Variants in RIN3 observed in about 807,000 individuals in gnomAD.
RIN3 encodes the protein RAB5 interacting protein 3.
RIN3 carries 54 observed loss-of-function variants against 76.3 expected under a neutral mutation model. That is an observed-to-expected ratio of 0.71 (90% CI 0.57 to 0.89). RIN3 has a LOEUF of 0.89. RIN3 is among the 40% of genes least tolerant of loss of function. The probability of loss-of-function intolerance (pLI) is 0.00; values close to 1 mark genes in which losing one functional copy is unlikely to be tolerated. For missense variants in RIN3, 1,256 were observed against 1,322.1 expected, an observed-to-expected ratio of 0.95 and a Z score of 0.78; for synonymous variants, 576 against 564.0, an observed-to-expected ratio of 1.02 and a Z score of -0.30.
chr14:92,588,588 AC>A (rs1457152300), intron 3 of RIN3, among the ~76,000 whole-genome samples: 1 of 151,616 alleles, frequency 6.6e-6, no homozygotes, highest in East Asian at 1.9e-4. Context: ...TCATGATTCC[AC>A]CCTCATGACT....
intron 7 of RIN3, among the ~76,000 whole-genome samples, chr14:92,663,353 G>T (rs567159895): frequency 6.6e-6 from 1 of 152,216 alleles, no homozygotes; most frequent in Non-Finnish European, 1.5e-5. Flanking sequence ...AGCAAGAAAG[G>T]CAGCTGCTGG....
At chr14:92,676,300 T>C (rs2273923) in intron 7 of RIN3, among the ~76,000 whole-genome samples, 175 bp from the exon 8 acceptor site, 46,342 of 151,662 alleles carry the variant, frequency 0.31, 7,582 homozygotes, top group Non-Finnish European at 0.36. Context: ...TCGGGCCTCC[T>C]GAGGAGGCTG....
At chr14:92,616,374 T>C (rs574825416) in intron 4 of RIN3, among the ~76,000 whole-genome samples, 1 of 152,340 alleles carries the variant, frequency 6.6e-6, no homozygotes, top group South Asian at 2.1e-4. Flanking sequence ...CACTGGTTAC[T>C]TGGGGTACAC....
intron 3 of RIN3, among the ~76,000 whole-genome samples, chr14:92,578,552 C>T (rs1465306524): frequency 6.6e-6 from 1 of 152,324 alleles, no homozygotes; most frequent in Non-Finnish European, 1.5e-5. Context: ...GCCAACTAAA[C>T]AGGAGATGGA....
At chr14:92,672,482 T>G (rs1888316749) in intron 7 of RIN3, among the ~76,000 whole-genome samples, 1 of 152,196 alleles carries the variant, frequency 6.6e-6, no homozygotes, top group South Asian at 2.1e-4. Flanking sequence ...TCTCTGTTAC[T>G]CACACCAGGC....
chr14:92,655,191 T>C (rs76929104), intron 6 of RIN3, among the ~76,000 whole-genome samples: 7 of 133,078 alleles, frequency 5.3e-5, no homozygotes, highest in Non-Finnish European at 1.1e-4. Flanking sequence ...AAAAAAAAAA[T>C]AGAAAAATTA....
chr14:92,657,679 C>T (rs1009483781), intron 6 of RIN3, among the ~76,000 whole-genome samples: 1 of 152,194 alleles, frequency 6.6e-6, no homozygotes, highest in African/African-American at 2.4e-5. Flanking sequence ...CAGGTCAACC[C>T]CCATCTGCGC....
intron 1 of RIN3, among the ~76,000 whole-genome samples, chr14:92,552,011 G>T (rs1479853596): frequency 6.6e-6 from 1 of 152,238 alleles, no homozygotes; most frequent in East Asian, 1.9e-4. Flanking sequence ...AGAGCAGCAT[G>T]AGCGTGGGCT....
At chr14:92,596,172 T>G (rs1394417173) in intron 3 of RIN3, among the ~76,000 whole-genome samples, 1 of 152,248 alleles carries the variant, frequency 6.6e-6, no homozygotes, top group African/African-American at 2.4e-5. Flanking sequence ...GGAATGTTCC[T>G]TTAATGTAGT....
At chr14:92,547,489 G>C (rs1209599137) in intron 1 of RIN3, among the ~76,000 whole-genome samples, 1 of 150,030 alleles carries the variant, frequency 6.7e-6, no homozygotes, top group Non-Finnish European at 1.5e-5. Flanking sequence ...TAACCTCCTA[G>C]GCTCAAGCGA....
intron 1 of RIN3, among the ~76,000 whole-genome samples, chr14:92,539,977 G>A (rs1179325782): frequency 6.6e-6 from 1 of 152,206 alleles, no homozygotes; most frequent in African/African-American, 2.4e-5. Flanking sequence ...GGCACCACCA[G>A]GCCTCCACAC....
At chr14:92,609,843 CTGTGTGTGTGTGTGTGTGTG>C (rs34350495) in intron 3 of RIN3, among the ~76,000 whole-genome samples, 2 of 138,506 alleles carry the variant, frequency 1.4e-5, no homozygotes, top group African/African-American at 5.3e-5. Context: ...GAAATTCAGT[CTGTGTGTGTGTGTGTGTGTG>C]TGTGTGTGTG....
At chr14:92,628,995 C>T (rs1398745403) in intron 4 of RIN3, among the ~76,000 whole-genome samples, 1 of 152,098 alleles carries the variant, frequency 6.6e-6, no homozygotes. Flanking sequence ...TTAAGTGAAC[C>T]AGGCAGTGGC....
intron 8 of RIN3, among the ~76,000 whole-genome samples, chr14:92,683,192 T>C (rs1467771481): frequency 6.7e-6 from 1 of 150,050 alleles, no homozygotes; most frequent in African/African-American, 2.4e-5. Context: ...AAAAAAATCG[T>C]CATCCTGGCA....
intron 2 of RIN3, among the ~76,000 whole-genome samples, chr14:92,571,242 G>T (rs1012514637): frequency 2.6e-5 from 4 of 152,162 alleles, no homozygotes; most frequent in Non-Finnish European, 5.9e-5. Context: ...TCTGGTTCAG[G>T]AGTTGCCCGA....
rs1896387593 is a variant in RIN3, at chr14:92,514,614, C to T, written c.44+638C>T. Among the ~76,000 whole-genome samples, 1 of 152,204 alleles carries T rather than the reference C, an allele frequency of 6.6e-6. No homozygotes were observed. Among genetic ancestry groups the T allele is most frequent in the African/African-American group, 2.4e-5 (1 of 41,456 alleles). ...GTGCTTGGGTAGGGTCCAGGGCGCA[C>T]GGGCTGCGCGCGGGCTGTGGATGCA... On this transcript the variant is annotated intron_variant, in intron 1 of 9. Transcript: ENST00000216487. This position sits in a 1 kb window ranked among gnomAD's most constrained non-coding sequence, Gnocchi z 7.2.
In RIN3 at chr14:92,613,648, A is replaced by G. The variant is rs75578694; in HGVS notation, c.368-1759A>G. Among the ~76,000 whole-genome samples the G allele has an allele frequency of 8.3e-3, 1,269 of 152,282 alleles. 9 individuals carry two copies. Among genetic ancestry groups the G allele is most frequent in the Non-Finnish European group, 0.014 (954 of 68,014 alleles). ...ACAGGTCCGCAAACTGATGTCACCT[A>G]TGTGCGTGTGGCTTTAGGGAAGAGC... On this transcript the variant is annotated intron_variant, in intron 3 of 9. Coordinates refer to ENST00000216487, the MANE Select transcript of RIN3 (RefSeq NM_024832.5).
chr14:92,657,440 C>T (rs372957838), intron 6 of RIN3, among the ~76,000 whole-genome samples: 5 of 152,010 alleles, frequency 3.3e-5, no homozygotes, highest in East Asian at 1.9e-4. Flanking sequence ...AGACAAGTCA[C>T]AAGGAGCAAC....
At chr14:92,570,132 C>T (rs780856014) in intron 2 of RIN3, among the ~76,000 whole-genome samples, 2 of 152,212 alleles carry the variant, frequency 1.3e-5, no homozygotes, top group Non-Finnish European at 2.9e-5. Context: ...AGCACTTTCC[C>T]AGTGTGGACA....
Sources: gnomAD v4.1 joint callset for allele counts (sites outside exome capture counted in the v4.1 genomes callset) on GRCh38, gnomAD v4.1.1 for gene constraint, Gnocchi (gnomAD v3.1) non-coding constraint, MANE v1.5 for transcripts, NCBI Gene and HGNC (gene_info 2026-07-23, HGNC 2026-07-21) for gene names.